Variants in ARFIP1 observed in about 807,000 individuals in gnomAD.
The protein encoded by ARFIP1 is ARF interacting protein 1.
In ARFIP1, 24 loss-of-function variants were observed where a neutral mutation model predicts 42.5. The observed-to-expected ratio is 0.57, with a 90% CI of 0.41 to 0.80. The LOEUF is 0.80. Ranked by LOEUF, ARFIP1 falls within the 30% of genes least tolerant of loss-of-function variation. The pLI is 0.00. For synonymous variants in ARFIP1, 141 were observed against 153.7 expected (o/e 0.92, Z 0.61); for missense variants, 354 against 434.0 (o/e 0.82, Z 1.64).
chr4:152,877,625 G>A (rs553323350), intron 5 of ARFIP1, among the ~76,000 whole-genome samples: 1 of 152,084 alleles, frequency 6.6e-6, no homozygotes, highest in Non-Finnish European at 1.5e-5. Context: ...ATGGACATGA[G>A]ATTTGAAGGG....
intron 1 of ARFIP1, among the ~76,000 whole-genome samples, chr4:152,825,194 GA>G (rs1021310495): frequency 5.3e-5 from 8 of 150,716 alleles, no homozygotes; most frequent in African/African-American, 9.8e-5. Context: ...CACAGAATTA[GA>G]AAAAAAAATC....
At chr4:152,783,426 A>G (rs1202130308) in intron 1 of ARFIP1, among the ~76,000 whole-genome samples, 12 of 152,248 alleles carry the variant, frequency 7.9e-5, no homozygotes, top group Admixed American at 7.2e-4. Flanking sequence ...TTTGCTTACC[A>G]TGTGCATTAA....
At chr4:152,841,516 G>GT (rs1324171493) in intron 2 of ARFIP1, among the ~76,000 whole-genome samples, 3 of 151,916 alleles carry the variant, frequency 2.0e-5, no homozygotes, top group Admixed American at 2.0e-4. Flanking sequence ...AAGAGGTTCT[G>GT]TTTTGATGTG....
chr4:152,880,748 G>T (rs906719731), intron 5 of ARFIP1, among the ~76,000 whole-genome samples: 4 of 152,120 alleles, frequency 2.6e-5, no homozygotes, highest in Non-Finnish European at 4.4e-5. Context: ...ATATAAGTTT[G>T]CTAGATATGT....
intron 1 of ARFIP1, among the ~76,000 whole-genome samples, chr4:152,804,500 A>ATATAAT (rs1554022307): frequency 8.2e-6 from 1 of 121,500 alleles, no homozygotes; most frequent in Non-Finnish European, 1.6e-5. Flanking sequence ...ATATATATAT[A>ATATAAT]ATATATATAT....
At chr4:152,847,542 ATT>A (rs1732662912) in intron 2 of ARFIP1, among the ~76,000 whole-genome samples, 6 of 151,964 alleles carry the variant, frequency 3.9e-5, no homozygotes, top group Admixed American at 3.3e-4. Flanking sequence ...AAATAAATGC[ATT>A]TTATTTAGAA....
chr4:152,866,683 G>C (rs962064955), intron 3 of ARFIP1, among the ~76,000 whole-genome samples: 3 of 151,154 alleles, frequency 2.0e-5, no homozygotes, highest in Non-Finnish European at 4.4e-5. Flanking sequence ...AGGCGGAGAC[G>C]CTCCTCACTT....
chr4:152,817,967 G>A (rs748318189), intron 1 of ARFIP1, among the ~76,000 whole-genome samples: 1 of 152,198 alleles, frequency 6.6e-6, no homozygotes, highest in Admixed American at 6.5e-5. Context: ...ACAAGTGTTG[G>A]TAAGATGCAG....
At chr4:152,883,305 A>G (rs150840584) in intron 7 of ARFIP1, 13 of 164,338 alleles carry the variant, frequency 7.9e-5, no homozygotes, top group African/African-American at 1.4e-4. Flanking sequence ...ACAGGGCCCT[A>G]TGTTCTACCA....
chr4:152,889,747 A>G (rs1271625516), intron 8 of ARFIP1, among the ~76,000 whole-genome samples: 1 of 40,504 alleles, frequency 2.5e-5, no homozygotes, highest in African/African-American at 8.4e-5. Flanking sequence ...TACTATATAT[A>G]CTATATATTA....
At chr4:152,895,975 C>T (rs181015711) in intron 8 of ARFIP1, among the ~76,000 whole-genome samples, 116 of 152,108 alleles carry the variant, frequency 7.6e-4, no homozygotes, top group African/African-American at 2.6e-3. Context: ...CAAACAATTA[C>T]GTAAATACAA....
chr4:152,850,433 TTGAC>T (rs1220772995), intron 2 of ARFIP1, among the ~76,000 whole-genome samples: 5 of 152,068 alleles, frequency 3.3e-5, no homozygotes, highest in African/African-American at 1.2e-4. Flanking sequence ...ATATTTGAAA[TTGAC>T]TGGAAAGAAG....
At chr4:152,821,030 G>A (rs1020772923) in intron 1 of ARFIP1, among the ~76,000 whole-genome samples, 11 of 152,104 alleles carry the variant, frequency 7.2e-5, no homozygotes, top group African/African-American at 2.4e-4. Flanking sequence ...AGAAGAAATA[G>A]TCTGCTCACA....
chr4:152,865,154 T>A (rs1734222704), intron 3 of ARFIP1, among the ~76,000 whole-genome samples: 1 of 151,336 alleles, frequency 6.6e-6, no homozygotes, highest in Non-Finnish European at 1.5e-5. Flanking sequence ...TTTTTTTTTT[T>A]AAAGATGTAG....
intron 8 of ARFIP1, among the ~76,000 whole-genome samples, chr4:152,905,158 T>C (rs958460555): frequency 6.6e-6 from 1 of 152,240 alleles, no homozygotes; most frequent in African/African-American, 2.4e-5. Context: ...ACAGCTATTA[T>C]GAACTTTCAT....
intron 1 of ARFIP1, among the ~76,000 whole-genome samples, chr4:152,804,579 A>G (rs563160047): frequency 2.1e-5 from 3 of 145,104 alleles, no homozygotes; most frequent in Admixed American, 7.3e-5. Context: ...TATAAAGATT[A>G]AAAACTTAAA....
chr4:152,869,725 A>G (rs1734717404), intron 3 of ARFIP1, among the ~76,000 whole-genome samples: 1 of 152,206 alleles, frequency 6.6e-6, no homozygotes, highest in Admixed American at 6.5e-5. Flanking sequence ...CGCCGCTCTC[A>G]GCCAGTAGTT....
intron 2 of ARFIP1, among the ~76,000 whole-genome samples, chr4:152,838,576 C>A (rs923532292): frequency 3.3e-5 from 5 of 152,116 alleles, no homozygotes; most frequent in African/African-American, 1.2e-4. Flanking sequence ...ATTTGATTCT[C>A]TTCTTGGTCA....
chr4:152,796,872 G>A, intron 1 of ARFIP1: 1 of 468,276 alleles, frequency 2.1e-6, no homozygotes, highest in Non-Finnish European at 3.8e-6. Flanking sequence ...AGCCCTTGGG[G>A]TGCAAAAATG....
Sources: gnomAD v4.1 joint callset for allele counts (sites outside exome capture counted in the v4.1 genomes callset) on GRCh38, gnomAD v4.1.1 for gene constraint, MANE v1.5 for transcripts, NCBI Gene and HGNC (gene_info 2026-07-23, HGNC 2026-07-21) for gene names.